CRTC3: variants seen among roughly 807,000 people sequenced by gnomAD.
CRTC3 encodes the protein CREB regulated transcription coactivator 3.
Under a neutral mutation model 74.5 loss-of-function variants are expected in CRTC3, and 26 were observed. The ratio of observed to expected loss-of-function variants is 0.35; its 90% CI spans 0.26 to 0.48. The LOEUF is 0.48. Among genes scored for constraint, CRTC3 ranks in the 20% least tolerant of loss-of-function variants. The pLI is 0.99. For synonymous variants in CRTC3, 377 were observed against 325.8 expected (o/e 1.16, Z -1.69); for missense variants, 760 against 787.3 (o/e 0.97, Z 0.41).
At chr15:90,581,027 T>G (rs1339659819) in intron 2 of CRTC3, among the ~76,000 whole-genome samples, 8 of 152,346 alleles carry the variant, frequency 5.3e-5, no homozygotes, top group Admixed American at 6.5e-5. Flanking sequence ...ACTTTACAGC[T>G]CAGCCTAAGG....
intron 1 of CRTC3, among the ~76,000 whole-genome samples, chr15:90,537,916 G>A (rs1460616731): frequency 6.6e-6 from 1 of 152,170 alleles, no homozygotes; most frequent in Non-Finnish European, 1.5e-5. Context: ...TGAAGGCTTC[G>A]GAAATAGGTG....
At position 90,642,441 on chromosome 15, in the gene CRTC3, C is replaced by T. The variant is rs1008299685; in HGVS notation, c.*301C>T. On this transcript the variant is annotated 3_prime_UTR_variant, in exon 15 of 15. Coordinates refer to ENST00000268184, the MANE Select transcript of CRTC3 (RefSeq NM_022769.5). ...TCTTTTTACTGGCCATCCAGTCAGC[C>T]GATGTGTAAGAGTAGGAAATACTGT... 2.1e-6 allele frequency: 1 copy of T among 469,956 alleles called. No homozygotes were observed. The highest frequency in any genetic ancestry group is 2.2e-5 in the South Asian group (1 of 44,958). The allele number at this position is 469,956 out of a possible 1,614,324, so 29.1% of individuals were successfully genotyped here. A position where few individuals can be genotyped will look rare whatever the true frequency, so the allele number is the denominator to read the frequency against.
chr15:90,560,790 T>A (rs2151065610), intron 2 of CRTC3, among the ~76,000 whole-genome samples: 1 of 152,314 alleles, frequency 6.6e-6, no homozygotes, highest in East Asian at 1.9e-4. Flanking sequence ...GGCTCCTGAT[T>A]GCACCCTGCA....
In CRTC3 at chr15:90,555,707, G is replaced by A. The variant is rs183032748; in HGVS notation, c.231+15570G>A. On this transcript the variant is annotated intron_variant, in intron 2 of 14. Transcript: ENST00000268184. ...TAATTTTTGTATTTTTAATAGAGACGGGGTGTCACCATGTTGGCAGGCTGG... is the reference window on the plus strand; with the variant it reads ...TAATTTTTGTATTTTTAATAGAGACAGGGTGTCACCATGTTGGCAGGCTGG... Among the ~76,000 whole-genome samples, 440 of 152,076 alleles carry A rather than the reference G, an allele frequency of 2.9e-3. 2 individuals carry two copies. The highest frequency in any genetic ancestry group is 0.01 in the African/African-American group (426 of 41,464).
chr15:90,623,950 G>T (rs969053556), intron 9 of CRTC3, among the ~76,000 whole-genome samples: 1 of 152,162 alleles, frequency 6.6e-6, no homozygotes, highest in African/African-American at 2.4e-5. Flanking sequence ...TAGATCACCT[G>T]AGTTCTTTAG....
At chr15:90,639,447 CT>C (rs144912546) in intron 13 of CRTC3, among the ~76,000 whole-genome samples, 23,118 of 123,994 alleles carry the variant, frequency 0.19, 1,500 homozygotes, top group African/African-American at 0.23. Flanking sequence ...GGTTCCAGAA[CT>C]TTTTTTTTTT....
chr15:90,570,102 G>T (rs1399845597), intron 2 of CRTC3, among the ~76,000 whole-genome samples: 2 of 152,170 alleles, frequency 1.3e-5, no homozygotes, highest in East Asian at 1.9e-4. Flanking sequence ...ATGGTTATAG[G>T]AGTATATGAA....
At chr15:90,636,009 C>A (rs1254072622) in intron 11 of CRTC3, among the ~76,000 whole-genome samples, 1 of 151,988 alleles carries the variant, frequency 6.6e-6, no homozygotes, top group Admixed American at 6.6e-5. Context: ...TCAATGCCAT[C>A]CCCATCAAGC....
chr15:90,629,645 A>G (rs975657797), intron 11 of CRTC3, 113 bp downstream of exon 11: 4 of 1,033,076 alleles, frequency 3.9e-6, no homozygotes, highest in Admixed American at 2.2e-5. Flanking sequence ...CCAAGCACCC[A>G]TGAGGTCTCA....
At position 90,642,535 on chromosome 15, in the gene CRTC3, G is replaced by A. The variant is rs1301732368; in HGVS notation, c.*395G>A. On this transcript the variant is annotated 3_prime_UTR_variant, in exon 15 of 15. Transcript: ENST00000268184. ...ACTGATCTCCGTCCGCACCGAAGGC[G>A]GGCCCGGAGTGGGAGGCTCGGCCTG... 9.4e-6 allele frequency: 3 copies of A among 319,764 alleles called. No homozygotes were observed. The highest frequency in any genetic ancestry group is 5.0e-5 in the East Asian group (1 of 19,966). The allele number at this position is 319,764 out of a possible 1,614,324, so 19.8% of individuals were successfully genotyped here. A position where few individuals can be genotyped will look rare whatever the true frequency, so the allele number is the denominator to read the frequency against.
chr15:90,549,285 GGTGTGTGTGT>G (rs35240328), intron 2 of CRTC3, among the ~76,000 whole-genome samples: 2 of 150,522 alleles, frequency 1.3e-5, no homozygotes, highest in African/African-American at 4.9e-5. Flanking sequence ...CTTTGTTCAT[GGTGTGTGTGT>G]GTGTGTGTGT....
In CRTC3 at chr15:90,625,630, T is replaced by C. The variant is rs1369141749; in HGVS notation, c.750-146T>C. 5 of 706,028 alleles carry C rather than the reference T, an allele frequency of 7.1e-6. No individual in the cohort carries two copies. In the East Asian group the frequency reaches 1.3e-4, roughly 18 times the overall value. 43.7% of individuals were successfully genotyped at this position (706,028 alleles called of 1,614,324 possible). A position where few individuals can be genotyped will look rare whatever the true frequency, so the allele number is the denominator to read the frequency against. Reference sequence around the variant, plus strand: ...TCGGAGAGGTTAAGCCGAGCACCAGTGTTCTCAGAATCAGAGAGGCCGCAC... The same window carrying C: ...TCGGAGAGGTTAAGCCGAGCACCAGCGTTCTCAGAATCAGAGAGGCCGCAC... On this transcript the variant is annotated intron_variant, in intron 9 of 14. Coordinates refer to ENST00000268184, the MANE Select transcript of CRTC3 (RefSeq NM_022769.5).
At chr15:90,604,127 C>T (rs1968155428) in intron 4 of CRTC3, 1 of 376,560 alleles carries the variant, frequency 2.7e-6, no homozygotes, top group African/African-American at 2.0e-5. Flanking sequence ...CTCATCTGCC[C>T]AGCTAGCTAA....
intron 1 of CRTC3, among the ~76,000 whole-genome samples, chr15:90,535,710 G>A (rs1966708474): frequency 6.6e-6 from 1 of 152,202 alleles, no homozygotes; most frequent in South Asian, 2.1e-4. Context: ...TCTCAGGATG[G>A]AGGAGAGAGA....
chr15:90,602,847 G>A (rs1968110105), intron 4 of CRTC3, among the ~76,000 whole-genome samples: 1 of 152,002 alleles, frequency 6.6e-6, no homozygotes, highest in African/African-American at 2.4e-5. Context: ...GACAGCACAT[G>A]CCTGTAATCC....
At chr15:90,618,034 A>G in intron 8 of CRTC3, 66 bp downstream of exon 8, 1 of 1,073,910 alleles carries the variant, frequency 9.3e-7, no homozygotes, top group Non-Finnish European at 1.4e-6. Context: ...TCATTGAAAA[A>G]TCCTGCAGAG....
rs976340164 is a variant in CRTC3, at chr15:90,644,170, C to G, written c.*2030C>G. 4.4e-6 allele frequency: 1 copy of G among 228,156 alleles called. No homozygotes were observed. The highest frequency in any genetic ancestry group is 6.3e-5 in the East Asian group (1 of 15,926). The allele number at this position is 228,156 out of a possible 1,614,324, so 14.1% of individuals were successfully genotyped here. On this transcript the variant is annotated 3_prime_UTR_variant, in exon 15 of 15. Coordinates refer to ENST00000268184, the MANE Select transcript of CRTC3 (RefSeq NM_022769.5). Reference sequence around the variant, plus strand: ...CTCAGGAAGGGCCTGCTGGCCTGCCCTGTTCCCAGTTACACTTTCAGATCC... The same window carrying G: ...CTCAGGAAGGGCCTGCTGGCCTGCCGTGTTCCCAGTTACACTTTCAGATCC...
At chr15:90,635,043 C>A (rs983486120) in intron 11 of CRTC3, 21 of 1,003,110 alleles carry the variant, frequency 2.1e-5, no homozygotes, top group Non-Finnish European at 3.3e-5. Flanking sequence ...AAATAAGTCA[C>A]TACTGAAATG....
At chr15:90,567,735 A>G (rs1682723386) in intron 2 of CRTC3, among the ~76,000 whole-genome samples, 1 of 140,616 alleles carries the variant, frequency 7.1e-6, no homozygotes, top group African/African-American at 2.6e-5. Flanking sequence ...CTCCTCGTTG[A>G]CAGTGCACCT....
Sources: allele counts gnomAD v4.1 joint callset (sites outside exome capture counted in the v4.1 genomes callset), GRCh38; gene constraint gnomAD v4.1.1; transcripts MANE v1.5; gene names NCBI Gene and HGNC (gene_info 2026-07-23, HGNC 2026-07-21).